DIAPH2: variants seen among roughly 807,000 people sequenced by gnomAD.
DIAPH2 encodes protein diaphanous homolog 2.
In DIAPH2, 35 loss-of-function variants were observed where a neutral mutation model predicts 92.7. That is an observed-to-expected ratio of 0.38 (90% confidence interval 0.29 to 0.50). DIAPH2 has a LOEUF of 0.50. Ranked by LOEUF, DIAPH2 falls within the 20% of genes least tolerant of loss-of-function variation. The pLI, the probability that DIAPH2 is intolerant of heterozygous loss-of-function variation, is 0.94. For missense variants in DIAPH2, 701 were observed against 819.5 expected (o/e 0.86, Z 1.77); for synonymous variants, 301 against 280.4 (o/e 1.07, Z -0.73).
chrX:96,779,733 T>C (rs1474039593), intron 4 of DIAPH2, among the ~76,000 whole-genome samples: 1 of 111,993 alleles, frequency 8.9e-6, no homozygotes, highest in African/African-American at 3.2e-5. Flanking sequence ...CAAATGTGTT[T>C]TCTAAAAACA....
chrX:97,327,874 C>A (rs2068965574), intron 23 of DIAPH2, among the ~76,000 whole-genome samples: 1 of 112,713 alleles, frequency 8.9e-6, no homozygotes. Flanking sequence ...CCACACCCAG[C>A]CTGTTATATG....
chrX:96,837,435 G>C (rs233691), intron 4 of DIAPH2, among the ~76,000 whole-genome samples: 2,807 of 22,263 alleles, frequency 0.13, 62 homozygotes, highest in Non-Finnish European at 0.17. Flanking sequence ...CTCTCTCTCT[G>C]TGTGTGTGTG....
chrX:96,820,809 G>A (rs183210701), intron 4 of DIAPH2, among the ~76,000 whole-genome samples: 1 of 111,686 alleles, frequency 9.0e-6, no homozygotes, highest in East Asian at 2.8e-4. Flanking sequence ...GCTGTGGAGA[G>A]AAAGTGCTAT....
At chrX:96,900,353 G>A (rs1450710285) in intron 5 of DIAPH2, among the ~76,000 whole-genome samples, 2 of 111,312 alleles carry the variant, frequency 1.8e-5, no homozygotes, top group Non-Finnish European at 3.8e-5. Context: ...TCATTTATCA[G>A]ATCTAGGAGC....
intron 4 of DIAPH2, among the ~76,000 whole-genome samples, chrX:96,870,949 A>G (rs1407983062): frequency 8.9e-6 from 1 of 112,025 alleles, no homozygotes; most frequent in African/African-American, 3.2e-5. Context: ...AATCGGATTT[A>G]CAAAATGGTA....
At chrX:97,059,025 G>A (rs1163849041) in intron 17 of DIAPH2, among the ~76,000 whole-genome samples, 1 of 111,932 alleles carries the variant, frequency 8.9e-6, no homozygotes, top group Non-Finnish European at 1.9e-5. Flanking sequence ...GGTCTTAATG[G>A]ATAGATAAAG....
chrX:96,962,510 T>C (rs771484072), intron 16 of DIAPH2, among the ~76,000 whole-genome samples: 5 of 89,930 alleles, frequency 5.6e-5, no homozygotes, highest in African/African-American at 2.2e-4. Flanking sequence ...TATATATATA[T>C]ATATATATAT....
intron 23 of DIAPH2, among the ~76,000 whole-genome samples, chrX:97,268,007 T>C (rs942587374): frequency 5.4e-5 from 6 of 112,114 alleles, no homozygotes; most frequent in Admixed American, 1.9e-4. Flanking sequence ...GAAAGGCACT[T>C]GGGTGTCATT....
At chrX:96,815,814 G>C (rs185832259) in intron 4 of DIAPH2, among the ~76,000 whole-genome samples, 1 of 111,276 alleles carries the variant, frequency 9.0e-6, no homozygotes, top group Non-Finnish European at 1.9e-5. Context: ...ACAGGTGCAC[G>C]CTGCCACATC....
At chrX:96,766,714 C>T (rs2064306490) in intron 4 of DIAPH2, among the ~76,000 whole-genome samples, 1 of 112,176 alleles carries the variant, frequency 8.9e-6, no homozygotes, top group Non-Finnish European at 1.9e-5. Flanking sequence ...GATACGAAAG[C>T]TAGACTGAAA....
chrX:96,775,466 A>C (rs1164394193), intron 4 of DIAPH2, among the ~76,000 whole-genome samples: 1 of 107,337 alleles, frequency 9.3e-6, no homozygotes, highest in Non-Finnish European at 1.9e-5. Flanking sequence ...GATGTGACTA[A>C]AATTGAGAGT....
chrX:97,585,384 T>G (rs1469174453), intron 26 of DIAPH2, among the ~76,000 whole-genome samples: 1 of 110,195 alleles, frequency 9.1e-6, no homozygotes, highest in African/African-American at 3.3e-5. Context: ...AAATGAATTT[T>G]ACTTCCTTCT....
At position 96,795,429 on chromosome X, in the gene DIAPH2, G is replaced by A. The variant is rs368427631; in HGVS notation, c.447+37171G>A. 3.6e-5 allele frequency among the ~76,000 whole-genome samples: 4 copies of A among 110,445 alleles called. No homozygotes were observed. The East Asian group carries it at 1.1e-3, about 32-fold the overall frequency. On this transcript the variant is annotated intron_variant, in intron 4 of 26. Transcript: ENST00000324765. ...AAAAAAAAGGTATAGTCTATATTTG[G>A]TTAAAGCATTTCATAAACATCATTT...
At chrX:97,563,831 G>GA (rs748272683) in intron 26 of DIAPH2, among the ~76,000 whole-genome samples, 1,393 of 104,317 alleles carry the variant, frequency 0.013, 18 homozygotes, top group African/African-American at 0.043. Flanking sequence ...ACCATTCTGT[G>GA]AAAAAAAAAA....
chrX:96,858,876 CTTCTT>C (rs1306417281), intron 4 of DIAPH2, among the ~76,000 whole-genome samples: 3 of 111,766 alleles, frequency 2.7e-5, no homozygotes, highest in Non-Finnish European at 5.6e-5. Context: ...CTTCTCTCTG[CTTCTT>C]TTAACTGATG....
chrX:97,169,719 C>T (rs908574592), intron 22 of DIAPH2, among the ~76,000 whole-genome samples: 3 of 110,833 alleles, frequency 2.7e-5, no homozygotes, highest in Admixed American at 1.9e-4. Flanking sequence ...TTTTAAGAAA[C>T]GAACAGGGAG....
chrX:97,011,460 A>G (rs2066225057), intron 17 of DIAPH2, among the ~76,000 whole-genome samples: 1 of 112,246 alleles, frequency 8.9e-6, no homozygotes, highest in Non-Finnish European at 1.9e-5. Context: ...AGATGAACCG[A>G]TAAGTTATAC....
At chrX:97,185,306 A>ATAT (rs759560567) in intron 22 of DIAPH2, among the ~76,000 whole-genome samples, 790 of 34,439 alleles carry the variant, frequency 0.023, 150 homozygotes, top group African/African-American at 0.12. Context: ...AAAAAAAAAA[A>ATAT]ATATATATAT....
chrX:97,257,238 A>G (rs1159532202), intron 23 of DIAPH2, among the ~76,000 whole-genome samples: 2 of 111,639 alleles, frequency 1.8e-5, no homozygotes, highest in African/African-American at 6.5e-5. Context: ...ACTATAATCA[A>G]TTTGAGAGGA....
Sources: gnomAD v4.1 joint callset for allele counts (sites outside exome capture counted in the v4.1 genomes callset) on GRCh38, gnomAD v4.1.1 for gene constraint, MANE v1.5 for transcripts, NCBI Gene and HGNC (gene_info 2026-07-23, HGNC 2026-07-21) for gene names.